LDLRAD4: variants seen among roughly 807,000 people sequenced by gnomAD.
LDLRAD4 encodes the protein low density lipoprotein receptor class A domain containing 4, also known as low-density lipoprotein receptor class A domain-containing protein 4.
Under a neutral mutation model 17.0 loss-of-function variants are expected in LDLRAD4, and 5 were observed. The observed-to-expected ratio is 0.29, with a 90% CI of 0.15 to 0.62. The LOEUF is 0.62. LDLRAD4 is among the 20% of genes least tolerant of loss of function. LDLRAD4 has a pLI of 0.84. For synonymous variants in LDLRAD4, 168 were observed against 171.8 expected, an observed-to-expected ratio of 0.98 and a Z score of 0.17; for missense variants, 340 against 424.7, an observed-to-expected ratio of 0.80 and a Z score of 1.75.
intron 1 of LDLRAD4, chr18:13,236,435 G>A (rs1317290401): frequency 6.6e-6 from 1 of 151,606 alleles, no homozygotes; most frequent in Non-Finnish European, 1.5e-5. Flanking sequence ...TCAGCCTCCT[G>A]AGTAGCTGGG....
At chr18:13,628,769 G>A (rs1486881170) in intron 4 of LDLRAD4, among the ~76,000 whole-genome samples, 2 of 152,316 alleles carry the variant, frequency 1.3e-5, no homozygotes, top group South Asian at 4.2e-4. Flanking sequence ...AAGTGACAGT[G>A]TCTCAAATAG....
intron 3 of LDLRAD4, among the ~76,000 whole-genome samples, chr18:13,554,049 C>A (rs2094460666): frequency 6.6e-6 from 1 of 152,096 alleles, no homozygotes; most frequent in South Asian, 2.1e-4. Context: ...ATCACATGAT[C>A]CCACTTTTGT....
At chr18:13,397,698 C>T (rs1028932595) in intron 2 of LDLRAD4, among the ~76,000 whole-genome samples, 4 of 152,218 alleles carry the variant, frequency 2.6e-5, no homozygotes, top group Non-Finnish European at 5.9e-5. Flanking sequence ...CTGAAAAAGC[C>T]ATGGGACCCA....
intron 1 of LDLRAD4, among the ~76,000 whole-genome samples, chr18:13,225,894 T>C (rs1318236390): frequency 2.6e-5 from 4 of 152,238 alleles, no homozygotes; most frequent in African/African-American, 9.6e-5. Context: ...TATTCTATTC[T>C]ATGGTTATAT....
At chr18:13,344,094 C>G (rs1387889246) in intron 1 of LDLRAD4, among the ~76,000 whole-genome samples, 1 of 152,124 alleles carries the variant, frequency 6.6e-6, no homozygotes, top group Non-Finnish European at 1.5e-5. Context: ...TAATTAGATC[C>G]CATTTGTCAA....
chr18:13,524,349 C>A (rs74672562), intron 3 of LDLRAD4, among the ~76,000 whole-genome samples: 5,076 of 152,252 alleles, frequency 0.033, 114 homozygotes, highest in Non-Finnish European at 0.051. Context: ...CATTCTGTTA[C>A]ACCTGTTTAA....
At chr18:13,617,257 A>G (rs1398108423) in intron 3 of LDLRAD4, among the ~76,000 whole-genome samples, 1 of 152,150 alleles carries the variant, frequency 6.6e-6, no homozygotes, top group Non-Finnish European at 1.5e-5. Flanking sequence ...GAGTAATTCC[A>G]TGCACTGTTT....
intron 1 of LDLRAD4, among the ~76,000 whole-genome samples, chr18:13,230,796 A>G (rs1461922833): frequency 6.6e-5 from 10 of 152,204 alleles, no homozygotes; most frequent in African/African-American, 1.9e-4. Flanking sequence ...TCCACAGACC[A>G]TATCTTGCTC....
intron 1 of LDLRAD4, chr18:13,279,849 C>T (rs971406663): frequency 5.9e-5 from 9 of 152,368 alleles, no homozygotes; most frequent in East Asian, 3.9e-4. Context: ...TGCGAGGCGT[C>T]GTAAGAACTT....
chr18:13,256,497 G>A (rs1228446536), intron 1 of LDLRAD4, among the ~76,000 whole-genome samples: 1 of 152,182 alleles, frequency 6.6e-6, no homozygotes, highest in African/African-American at 2.4e-5. Context: ...TAAAGTTTGG[G>A]AAATACTGAG....
intron 3 of LDLRAD4, among the ~76,000 whole-genome samples, chr18:13,480,059 C>T (rs932455320): frequency 6.6e-6 from 1 of 152,134 alleles, no homozygotes; most frequent in Admixed American, 6.5e-5. Flanking sequence ...TTGTGCTCCT[C>T]GGTATTTACA....
At chr18:13,252,500 C>T (rs1386363852) in intron 1 of LDLRAD4, among the ~76,000 whole-genome samples, 1 of 152,234 alleles carries the variant, frequency 6.6e-6, no homozygotes, top group East Asian at 1.9e-4. Flanking sequence ...TGGGCCACAG[C>T]CCCATGTCTG....
intron 3 of LDLRAD4, among the ~76,000 whole-genome samples, chr18:13,576,703 G>A (rs1457216798): frequency 6.6e-6 from 1 of 152,220 alleles, no homozygotes; most frequent in East Asian, 1.9e-4. Flanking sequence ...TCTGAGCTCA[G>A]AACCTTCAGA....
chr18:13,268,984 C>CT (rs1567951557), intron 1 of LDLRAD4, among the ~76,000 whole-genome samples: 2 of 152,200 alleles, frequency 1.3e-5, no homozygotes, highest in Non-Finnish European at 2.9e-5. Context: ...ATGTGAGGAA[C>CT]TAGAAGATTA....
At chr18:13,543,965 C>T (rs932524021) in intron 3 of LDLRAD4, among the ~76,000 whole-genome samples, 5 of 152,218 alleles carry the variant, frequency 3.3e-5, no homozygotes, top group African/African-American at 7.2e-5. Flanking sequence ...GATACCAGGA[C>T]GAGGCCTGCC....
At chr18:13,383,140 C>T (rs1017224663) in intron 1 of LDLRAD4, among the ~76,000 whole-genome samples, 2 of 152,234 alleles carry the variant, frequency 1.3e-5, no homozygotes, top group Non-Finnish European at 2.9e-5. Flanking sequence ...GCAGCTAGGG[C>T]TGGGTTAATT....
chr18:13,575,717 G>A (rs1302112330), intron 3 of LDLRAD4, among the ~76,000 whole-genome samples: 2 of 152,070 alleles, frequency 1.3e-5, no homozygotes, highest in East Asian at 3.8e-4. Context: ...CTTTTTCACC[G>A]CATCCACGCC....
At chr18:13,555,756 T>C (rs2094476865) in intron 3 of LDLRAD4, among the ~76,000 whole-genome samples, 1 of 152,230 alleles carries the variant, frequency 6.6e-6, no homozygotes, top group Non-Finnish European at 1.5e-5. Context: ...GACACAGAAC[T>C]GCAGATGGAA....
At chr18:13,369,680 C>T (rs929603777) in intron 1 of LDLRAD4, among the ~76,000 whole-genome samples, 2 of 152,168 alleles carry the variant, frequency 1.3e-5, no homozygotes, top group Non-Finnish European at 2.9e-5. Context: ...TGAGAGCCGC[C>T]CCTGCACTGC....
Sources: allele counts gnomAD v4.1 joint callset (sites outside exome capture counted in the v4.1 genomes callset), GRCh38; gene constraint gnomAD v4.1.1; transcripts MANE v1.5; gene names NCBI Gene and HGNC (gene_info 2026-07-23, HGNC 2026-07-21).